CHD5: variants seen among roughly 807,000 people sequenced by gnomAD.
CHD5 encodes chromodomain helicase DNA binding protein 5.
A neutral mutation model predicts 230.3 loss-of-function variants in CHD5; 69 were observed. The observed-to-expected ratio is 0.30, with a 90% CI of 0.25 to 0.37. The LOEUF is 0.37. CHD5 is among the 10% of genes least tolerant of loss of function. The pLI is 1.00. For synonymous variants in CHD5, 1,064 were observed against 1,065.9 expected (o/e 1.00, Z 0.03); for missense variants, 1,827 against 2,622.8 (o/e 0.70, Z 6.63).
At chr1:6,150,945 G>T in intron 7 of CHD5, 87 bp downstream of exon 7, 1 of 1,374,706 alleles carries the variant, frequency 7.3e-7, no homozygotes, top group Non-Finnish European at 9.5e-7. Context: ...CACCCGGCAG[G>T]CCGAGAACCG....
Position 6,130,578 on chromosome 1 carries a change from G to T in CHD5, c.3263-250C>A, listed in dbSNP as rs1191237984. On this transcript the variant is annotated intron_variant, in intron 21 of 41. Transcript: ENST00000262450. The surrounding 1 kb of genome is among the most constrained non-coding windows in gnomAD (Gnocchi z 4.9). Reference sequence around the variant, plus strand: ...TGCAGTGGGAGGGCACTGGAACGAGGAGGTCAATTTTCAAACCCCAGATGA... The same window carrying T: ...TGCAGTGGGAGGGCACTGGAACGAGTAGGTCAATTTTCAAACCCCAGATGA... Among the ~76,000 whole-genome samples the T allele has an allele frequency of 6.6e-6, 1 of 152,162 alleles. No individual in the cohort carries two copies. Among genetic ancestry groups the T allele is most frequent in the Admixed American group, 6.5e-5 (1 of 15,278 alleles).
At chr1:6,137,163 G>A (rs1370727218) in intron 15 of CHD5, among the ~76,000 whole-genome samples, 1 of 152,110 alleles carries the variant, frequency 6.6e-6, no homozygotes, top group African/African-American at 2.4e-5. Context: ...GTGGAGTACA[G>A]TGGCACGATC....
chr1:6,146,522 G>A lies in CHD5; in HGVS notation c.1591-99C>T, dbSNP rs1383530984. On this transcript the variant is annotated intron_variant, in intron 10 of 41. Coordinates refer to ENST00000262450, the MANE Select transcript of CHD5 (RefSeq NM_015557.3). This position sits in a 1 kb window ranked among gnomAD's most constrained non-coding sequence, Gnocchi z 5.1. ...CTAGCCCCAGCCCAGGTCCCAGGCA[G>A]GACAATCCTCCCGCTCAGCACCACC... 22 of 1,418,462 alleles carry A rather than the reference G, an allele frequency of 1.6e-5. No homozygotes were observed. The highest frequency in any genetic ancestry group is 2.1e-5 in the Non-Finnish European group (21 of 1,014,478). The allele number at this position is 1,418,462 out of a possible 1,614,324, so 87.9% of individuals were successfully genotyped here.
At position 6,112,973 on chromosome 1, in the gene CHD5, C is replaced by G. The variant is rs1666317004; in HGVS notation, c.4938G>C (p.Lys1646Asn). The change falls in exon 34 of 42, where the codon AAG (lysine) becomes AAC (asparagine). Residue 1646 changes from lysine to asparagine, a missense_variant. Around this residue, in one of 14 missense-constraint regions of CHD5, gnomAD observed 272 missense variants for 263.2 expected, o/e 1.03. Coordinates refer to ENST00000262450, the MANE Select transcript of CHD5 (RefSeq NM_015557.3). ...AGCTCAGCTCCAGCTTGTCCAGGAT[C>G]TTCTCCTTCTCAGGAAGCACCTCCT... is the stretch of plus-strand genomic sequence containing the variant. ...PREEVLPEKE[K>N]ILDKLELSLI... 2 of 1,613,916 alleles carry G rather than the reference C, an allele frequency of 1.2e-6. No homozygotes were observed. Among genetic ancestry groups the G allele is most frequent in the South Asian group, 1.1e-5 (1 of 91,082 alleles).
In CHD5 at chr1:6,128,720, G is replaced by T; in HGVS notation, c.3620-111C>A. ...CTGTCCTAGCCAGGAGATACAGGTG[G>T]GGGGTGCAGAAGAGAGGCTGTGTGT... On this transcript the variant is annotated intron_variant, in intron 23 of 41. Coordinates refer to ENST00000262450, the MANE Select transcript of CHD5 (RefSeq NM_015557.3). This position sits in a 1 kb window ranked among gnomAD's most constrained non-coding sequence, Gnocchi z 7.8. 8.0e-7 allele frequency: 1 copy of T among 1,247,060 alleles called. No individual in the cohort carries two copies. 77.2% of individuals were successfully genotyped at this position (1,247,060 alleles called of 1,614,324 possible). A position where few individuals can be genotyped will look rare whatever the true frequency, so the allele number is the denominator to read the frequency against.
chr1:6,105,461 G>A lies in CHD5; in HGVS notation c.*47-34C>T. ...CGCAAATCAGTGGGTTAAGCAGGTG[G>A]GCAGTTATAGGGGGCATCAGGGTGG... On this transcript the variant is annotated intron_variant, in intron 41 of 41. Coordinates refer to ENST00000262450, the MANE Select transcript of CHD5 (RefSeq NM_015557.3). The surrounding 1 kb of genome is among the most constrained non-coding windows in gnomAD (Gnocchi z 4.8). The A allele has an allele frequency of 2.1e-6, 1 of 469,244 alleles. No individual in the cohort carries two copies. Among genetic ancestry groups the A allele is most frequent in the South Asian group, 1.6e-5 (1 of 64,278 alleles). 29.1% of individuals were successfully genotyped at this position (469,244 alleles called of 1,614,324 possible). A position where few individuals can be genotyped will look rare whatever the true frequency, so the allele number is the denominator to read the frequency against.
intron 38 of CHD5, among the ~76,000 whole-genome samples, chr1:6,107,582 G>A (rs1004433787): frequency 2.7e-5 from 4 of 149,084 alleles, no homozygotes; most frequent in Non-Finnish European, 5.9e-5. Flanking sequence ...AAGGGATGTA[G>A]GGATGATGAA....
rs1666658175 is a variant in CHD5 at position 6,131,560 on chromosome 1, C to T, written c.3262+71G>A. 1 of 893,060 alleles carries T rather than the reference C, an allele frequency of 1.1e-6. No individual in the cohort carries two copies. The highest frequency in any genetic ancestry group is 1.6e-5 in the African/African-American group (1 of 60,856). The allele number at this position is 893,060 out of a possible 1,614,324, so 55.3% of individuals were successfully genotyped here. ...ACACAACACCAGCTGGGTGACCTGG[C>T]TAAGAACCAGGCCTGGGAGAAGAGG... On this transcript the variant is annotated intron_variant, in intron 21 of 41. Transcript: ENST00000262450. This position sits in a 1 kb window ranked among gnomAD's most constrained non-coding sequence, Gnocchi z 5.0.
chr1:6,167,671 G>A lies in CHD5; in HGVS notation c.207+479C>T, dbSNP rs925913956. Among the ~76,000 whole-genome samples the A allele has an allele frequency of 2.6e-5, 4 of 152,160 alleles. No individual in the cohort carries two copies. The highest frequency in any genetic ancestry group is 2.1e-4 in the South Asian group (1 of 4,824). Reference sequence around the variant, plus strand: ...GCCAACCCAAGGCAGCGGAGCATGCGGCAGCCTCGCCCATCCAGAACCAGC... The same window carrying A: ...GCCAACCCAAGGCAGCGGAGCATGCAGCAGCCTCGCCCATCCAGAACCAGC... On this transcript the variant is annotated intron_variant, in intron 2 of 41. Coordinates refer to ENST00000262450, the MANE Select transcript of CHD5 (RefSeq NM_015557.3). The surrounding 1 kb of genome is among the most constrained non-coding windows in gnomAD (Gnocchi z 4.5).
intron 1 of CHD5, among the ~76,000 whole-genome samples, chr1:6,176,280 C>T (rs2100890649): frequency 6.6e-6 from 1 of 152,304 alleles, no homozygotes; most frequent in East Asian, 1.9e-4. Flanking sequence ...TCTCCTGGCC[C>T]CTGGACCTGA....
At position 6,123,972 on chromosome 1, in the gene CHD5, G is replaced by C; in HGVS notation, c.4675C>G (p.Leu1559Val). ...CCTGGCAGGCCCAGCGGGGCTGGCA[G>C]GAGGTGGGCAGGGCTGGCGGGCACT... ...TPVPASPAHL[L>V]PAPLGLPDKM... Residue 1559 changes from leucine to valine, a missense_variant, in exon 31 of 42, where the codon CTG (leucine) becomes GTG (valine). Coordinates refer to ENST00000262450, the MANE Select transcript of CHD5 (RefSeq NM_015557.3). 6.3e-7 allele frequency: 1 copy of C among 1,596,158 alleles called. No individual in the cohort carries two copies. The highest frequency in any genetic ancestry group is 8.5e-7 in the Non-Finnish European group (1 of 1,173,530).
chr1:6,144,081 A>G lies in CHD5; in HGVS notation c.1877T>C (p.Ile626Thr). 6.2e-7 allele frequency: 1 copy of G among 1,614,064 alleles called. No homozygotes were observed. Among genetic ancestry groups the G allele is most frequent in the Non-Finnish European group, 8.5e-7 (1 of 1,180,014 alleles). Residue 626 changes from isoleucine to threonine, a missense_variant, in exon 12 of 42, where the codon ATC becomes ACC. Ile to Thr is a moderately conservative substitution (Grantham distance 89). This residue lies in a region of CHD5 where 657 missense variants were observed against 816.4 expected (regional missense o/e 0.80). Coordinates refer to ENST00000262450, the MANE Select transcript of CHD5 (RefSeq NM_015557.3). ...DLPYDQCTWE[I>T]DDIDIPYYDN... Reference sequence around the variant, plus strand: ...GTAGTAGGGGATGTCGATGTCATCGATCTCCCAGGTGCACTGGTCGTAGGG... The same window carrying G: ...GTAGTAGGGGATGTCGATGTCATCGGTCTCCCAGGTGCACTGGTCGTAGGG...
Position 6,121,445 on chromosome 1 carries a change from A to T in CHD5, c.4779+49T>A. On this transcript the variant is annotated intron_variant, in intron 32 of 41. Coordinates refer to ENST00000262450, the MANE Select transcript of CHD5 (RefSeq NM_015557.3). This position sits in a 1 kb window ranked among gnomAD's most constrained non-coding sequence, Gnocchi z 4.5. ...GGGCCTGAGAAGGTCCCCAGACCCA[A>T]CCTCCACCCCACACACACCACAGGC... 1.3e-6 allele frequency: 2 copies of T among 1,556,414 alleles called. No homozygotes were observed. The highest frequency in any genetic ancestry group is 1.8e-6 in the Non-Finnish European group (2 of 1,138,068).
In CHD5 at chr1:6,111,610, G is replaced by A. The variant is rs960720016; in HGVS notation, c.5249+165C>T. 3.9e-5 allele frequency among the ~76,000 whole-genome samples: 6 copies of A among 152,088 alleles called. No individual in the cohort carries two copies. The South Asian group carries it at 1.0e-3, about 26-fold the overall frequency. On this transcript the variant is annotated intron_variant, in intron 36 of 41. Transcript: ENST00000262450. ...AGGAAGAAGCCGGGATGACAGCGGC[G>A]GGGAGCGGGCGACACAGCAATGCCG...
intron 20 of CHD5, among the ~76,000 whole-genome samples, chr1:6,133,041 G>A (rs1344979369): frequency 6.6e-6 from 1 of 152,122 alleles, no homozygotes; most frequent in Non-Finnish European, 1.5e-5. Context: ...ATTACAGGGT[G>A]AGCCACTGCG....
chr1:6,120,002 A>AGGTGCAT (rs1298411633), intron 33 of CHD5, among the ~76,000 whole-genome samples: 1 of 152,008 alleles, frequency 6.6e-6, no homozygotes, highest in Admixed American at 6.6e-5. Flanking sequence ...CTGGGACTAC[A>AGGTGCAT]GGTGCATGCC....
In CHD5 at chr1:6,125,285, T is replaced by A. The variant is rs780956446; in HGVS notation, c.4261-52A>T. ...AGCCCAGGACAGAGAGGGGTGGGGG[T>A]GGAGGATTCTGGGATGGGGGAAGAA... On this transcript the variant is annotated intron_variant, in intron 28 of 41. Coordinates refer to ENST00000262450, the MANE Select transcript of CHD5 (RefSeq NM_015557.3). The surrounding 1 kb of genome is among the most constrained non-coding windows in gnomAD (Gnocchi z 6.7). 2.5e-6 allele frequency: 3 copies of A among 1,186,984 alleles called. No homozygotes were observed. The highest frequency in any genetic ancestry group is 3.3e-6 in the Non-Finnish European group (3 of 896,780). The allele number at this position is 1,186,984 out of a possible 1,614,324, so 73.5% of individuals were successfully genotyped here.
chr1:6,144,257 C>T (rs957163025), intron 11 of CHD5, 102 bp from the exon 12 acceptor site: 2 of 1,515,196 alleles, frequency 1.3e-6, no homozygotes, highest in Non-Finnish European at 1.8e-6. Context: ...CACCCAGGGT[C>T]CCCTCGGATG....
chr1:6,127,960 T>A, intron 25 of CHD5, 86 bp downstream of exon 25: 1 of 1,137,030 alleles, frequency 8.8e-7, no homozygotes, highest in Non-Finnish European at 1.2e-6. Context: ...GAGGGCGGGG[T>A]CACAGTGGAA....
Sources: gnomAD v4.1 joint callset for allele counts (sites outside exome capture counted in the v4.1 genomes callset) on GRCh38, gnomAD v4.1.1 for gene constraint, gnomAD v4.1.1 regional missense constraint, Gnocchi (gnomAD v3.1) non-coding constraint, MANE v1.5 for transcripts, NCBI Gene and HGNC (gene_info 2026-07-23, HGNC 2026-07-21) for gene names.